REDIC1: variants seen among roughly 807,000 people sequenced by gnomAD.
The protein encoded by REDIC1 is regulator of DNA class I crossover intermediates 1.
chr12:39,750,507 A>G, the REDIC1 span, among the ~76,000 whole-genome samples: 7 of 152,232 alleles, frequency 4.6e-5, no homozygotes, highest in Non-Finnish European at 8.8e-5. Context: ...TATAGATTCA[A>G]TGCCATCCCC....
the REDIC1 span, among the ~76,000 whole-genome samples, chr12:39,647,228 ATTACT>A: frequency 6.6e-6 from 1 of 152,038 alleles, no homozygotes; most frequent in South Asian, 2.1e-4. Flanking sequence ...TAGTAACCAG[ATTACT>A]TTATATCAAA....
At chr12:39,682,324 A>C in the REDIC1 span, among the ~76,000 whole-genome samples, 1 of 152,096 alleles carries the variant, frequency 6.6e-6, no homozygotes, top group Non-Finnish European at 1.5e-5. Flanking sequence ...TATTATAGAA[A>C]ATATACTATA....
chr12:39,653,738 A>G, the REDIC1 span, among the ~76,000 whole-genome samples: 4 of 151,892 alleles, frequency 2.6e-5, no homozygotes, highest in South Asian at 6.2e-4. Context: ...AGATGTGCCT[A>G]TTGTTCTCAG....
chr12:39,711,181 C>A, the REDIC1 span, among the ~76,000 whole-genome samples: 1 of 151,088 alleles, frequency 6.6e-6, no homozygotes, highest in Non-Finnish European at 1.5e-5. Flanking sequence ...TTAGTCACTA[C>A]AAATGCTGTT....
At chr12:39,663,462 A>G in the REDIC1 span, among the ~76,000 whole-genome samples, 2 of 152,038 alleles carry the variant, frequency 1.3e-5, no homozygotes, top group African/African-American at 4.8e-5. Flanking sequence ...CTTTCAGTCT[A>G]TATATGTCTT....
At chr12:39,683,599 ACCTGGTCTCAAAGGAGCCT>A in the REDIC1 span, 2 of 759,038 alleles carry the variant, frequency 2.6e-6, no homozygotes, top group Non-Finnish European at 4.3e-6. Flanking sequence ...TGGGCAGGCA[ACCTGGTCTCAAAGGAGCCT>A]TACCAGGAGT....
At chr12:39,872,892 T>C in the REDIC1 span, among the ~76,000 whole-genome samples, 1 of 152,222 alleles carries the variant, frequency 6.6e-6, no homozygotes, top group African/African-American at 2.4e-5. Context: ...AAGTTAGCTT[T>C]ACTCACATCA....
the REDIC1 span, among the ~76,000 whole-genome samples, chr12:39,837,367 G>T: frequency 7.3e-6 from 1 of 137,014 alleles, no homozygotes; most frequent in Non-Finnish European, 1.6e-5. Context: ...TTAAACGTTA[G>T]ACCTAAAACC....
the REDIC1 span, among the ~76,000 whole-genome samples, chr12:39,888,780 G>A: frequency 6.6e-6 from 1 of 152,066 alleles, no homozygotes; most frequent in Non-Finnish European, 1.5e-5. Flanking sequence ...ATTCTCACAA[G>A]TAACCAAAAT....
the REDIC1 span, among the ~76,000 whole-genome samples, chr12:39,707,002 G>A: frequency 1.3e-5 from 2 of 151,516 alleles, no homozygotes; most frequent in African/African-American, 2.4e-5. Context: ...TGGACAAACA[G>A]GATCACATCA....
At chr12:39,735,886 T>A in the REDIC1 span, among the ~76,000 whole-genome samples, 6 of 152,170 alleles carry the variant, frequency 3.9e-5, no homozygotes, top group Non-Finnish European at 8.8e-5. Context: ...TGGGTGTAAC[T>A]TTGGAAGATG....
At chr12:39,832,615 G>A in the REDIC1 span, among the ~76,000 whole-genome samples, 1 of 152,018 alleles carries the variant, frequency 6.6e-6, no homozygotes, top group South Asian at 2.1e-4. Flanking sequence ...ACTATGCTAG[G>A]TGCTGGGACA....
the REDIC1 span, chr12:39,683,324 T>G: frequency 6.1e-6 from 7 of 1,147,146 alleles, no homozygotes; most frequent in Non-Finnish European, 8.8e-6. Flanking sequence ...GTGGTTTTCC[T>G]CTGTACGTGT....
chr12:39,744,129 G>T, the REDIC1 span, among the ~76,000 whole-genome samples: 33 of 152,070 alleles, frequency 2.2e-4, no homozygotes, highest in African/African-American at 7.7e-4. Flanking sequence ...AAGGAATAAA[G>T]AATTATGTTT....
chr12:39,704,981 G>C, the REDIC1 span, among the ~76,000 whole-genome samples: 70 of 151,080 alleles, frequency 4.6e-4, no homozygotes, highest in Non-Finnish European at 9.3e-4. Context: ...TAGATGACGA[G>C]TTAGTGGGTG....
the REDIC1 span, among the ~76,000 whole-genome samples, chr12:39,641,623 G>A: frequency 1.3e-5 from 2 of 151,686 alleles, no homozygotes; most frequent in African/African-American, 2.4e-5. Flanking sequence ...CAGTGCAAAT[G>A]TATAAGCTAC....
At chr12:39,733,287 G>T in the REDIC1 span, among the ~76,000 whole-genome samples, 1 of 152,076 alleles carries the variant, frequency 6.6e-6, no homozygotes, top group Non-Finnish European at 1.5e-5. Context: ...TTCCTTATAA[G>T]TCATTTGCTC....
chr12:39,722,549 A>T, the REDIC1 span, among the ~76,000 whole-genome samples: 1 of 152,194 alleles, frequency 6.6e-6, no homozygotes, highest in African/African-American at 2.4e-5. Flanking sequence ...TGACAGTAGA[A>T]TAAACTTGAG....
At chr12:39,641,962 T>A in the REDIC1 span, among the ~76,000 whole-genome samples, 13 of 151,870 alleles carry the variant, frequency 8.6e-5, no homozygotes, top group Middle Eastern at 6.8e-3. Context: ...TTTATTTTAT[T>A]ACGTTGTCAT....
Sources: allele counts gnomAD v4.1 joint callset (sites outside exome capture counted in the v4.1 genomes callset), GRCh38; gene constraint gnomAD v4.1.1; transcripts MANE v1.5; gene names NCBI Gene and HGNC (gene_info 2026-07-23, HGNC 2026-07-21).